CLEC16A: variants seen among roughly 807,000 people sequenced by gnomAD.
The protein encoded by CLEC16A is C-type lectin domain containing 16A.
A neutral mutation model predicts 109.5 loss-of-function variants in CLEC16A; 51 were observed. The ratio of observed to expected loss-of-function variants is 0.47; its 90% CI spans 0.37 to 0.59. The LOEUF is 0.59. Ranked by LOEUF, CLEC16A falls within the 20% of genes least tolerant of loss-of-function variation. CLEC16A has a pLI of 0.00. For synonymous variants in CLEC16A, 673 were observed against 564.2 expected (o/e 1.19, Z -2.73); for missense variants, 1,339 against 1,394.0 (o/e 0.96, Z 0.63).
chr16:11,155,866 G>A (rs920805154), intron 22 of CLEC16A, among the ~76,000 whole-genome samples: 20 of 152,226 alleles, frequency 1.3e-4, no homozygotes, highest in African/African-American at 4.8e-4. Flanking sequence ...TGCCTTGGGT[G>A]CATACTAAGT....
intron 22 of CLEC16A, among the ~76,000 whole-genome samples, chr16:11,142,570 T>G (rs1344357715): frequency 6.6e-6 from 1 of 152,228 alleles, no homozygotes; most frequent in Non-Finnish European, 1.5e-5. Context: ...GGCACTGACC[T>G]GCAGTGGTAC....
At chr16:11,132,179 A>G (rs1217313132) in intron 22 of CLEC16A, among the ~76,000 whole-genome samples, 1 of 151,810 alleles carries the variant, frequency 6.6e-6, no homozygotes, top group Non-Finnish European at 1.5e-5. Context: ...GTTCCAAAAC[A>G]TTTCCATCCC....
intron 19 of CLEC16A, 102 bp from the exon 20 acceptor site, chr16:11,120,513 C>T: frequency 1.6e-6 from 2 of 1,270,664 alleles, no homozygotes; most frequent in African/African-American, 1.5e-5. Flanking sequence ...GGGCTCTAAC[C>T]ACTGAGCTCT....
At chr16:11,077,583 G>T (rs543605729) in intron 19 of CLEC16A, among the ~76,000 whole-genome samples, 2 of 152,148 alleles carry the variant, frequency 1.3e-5, no homozygotes, top group East Asian at 3.9e-4. Context: ...CTTGAAACCT[G>T]GGGAGATTGA....
intron 22 of CLEC16A, among the ~76,000 whole-genome samples, chr16:11,159,612 A>G (rs2054648455): frequency 1.3e-5 from 2 of 152,384 alleles, no homozygotes; most frequent in Admixed American, 6.5e-5. Flanking sequence ...TTCCATCTGC[A>G]GTCAGGCAGT....
At chr16:10,997,714 C>G (rs2044415145) in intron 10 of CLEC16A, among the ~76,000 whole-genome samples, 3 of 152,206 alleles carry the variant, frequency 2.0e-5, no homozygotes, top group Admixed American at 2.0e-4. Flanking sequence ...GTCCTCCAAC[C>G]TCAGTATCTT....
intron 22 of CLEC16A, among the ~76,000 whole-genome samples, chr16:11,139,668 G>A (rs557779224): frequency 2.6e-5 from 4 of 152,290 alleles, no homozygotes; most frequent in East Asian, 1.9e-4. Flanking sequence ...CTTGAAAGTC[G>A]CCGCCTCAGT....
intron 22 of CLEC16A, among the ~76,000 whole-genome samples, chr16:11,141,468 G>C (rs193207240): frequency 8.5e-5 from 13 of 152,390 alleles, no homozygotes; most frequent in Admixed American, 3.9e-4. Flanking sequence ...CATGCCGCCA[G>C]AGCACGGGGT....
At chr16:10,962,083 G>C (rs974917077) in intron 2 of CLEC16A, among the ~76,000 whole-genome samples, 1 of 150,600 alleles carries the variant, frequency 6.6e-6, no homozygotes, top group Admixed American at 6.6e-5. Context: ...CTCCTGAGTA[G>C]CTGGCACTTC....
chr16:10,949,154 G>T (rs1226635046), intron 1 of CLEC16A, among the ~76,000 whole-genome samples: 2 of 152,210 alleles, frequency 1.3e-5, no homozygotes, highest in African/African-American at 4.8e-5. Context: ...TGGATCCATG[G>T]CAGGTAGACA....
chr16:11,173,584 T>C (rs62023562), intron 23 of CLEC16A, among the ~76,000 whole-genome samples: 12,578 of 152,116 alleles, frequency 0.083, 727 homozygotes, highest in Non-Finnish European at 0.12. Flanking sequence ...CTCGAGCATC[T>C]GAGCTTTCTC....
chr16:11,026,197 GA>G (rs2046395482), intron 13 of CLEC16A, among the ~76,000 whole-genome samples: 1 of 152,178 alleles, frequency 6.6e-6, no homozygotes, highest in Non-Finnish European at 1.5e-5. Flanking sequence ...AATGAATTGA[GA>G]AATATTATCT....
chr16:11,051,953 A>G (rs741176), intron 18 of CLEC16A, among the ~76,000 whole-genome samples: 35,357 of 152,086 alleles, frequency 0.23, 6,102 homozygotes, highest in African/African-American at 0.49. Flanking sequence ...TCTGTGAACC[A>G]TCGGGGGTGA....
intron 22 of CLEC16A, among the ~76,000 whole-genome samples, chr16:11,146,066 T>C (rs1243847432): frequency 6.6e-6 from 1 of 152,178 alleles, no homozygotes; most frequent in Non-Finnish European, 1.5e-5. Flanking sequence ...GTGGCCTCTG[T>C]TTGGAGAAGT....
chr16:11,068,012 T>A (rs995077298), intron 19 of CLEC16A, among the ~76,000 whole-genome samples: 3 of 152,228 alleles, frequency 2.0e-5, no homozygotes, highest in African/African-American at 7.2e-5. Flanking sequence ...ACCTTCCCTT[T>A]GCTCTCCTTC....
At chr16:11,135,393 C>G (rs993567894) in intron 22 of CLEC16A, among the ~76,000 whole-genome samples, 13 of 152,222 alleles carry the variant, frequency 8.5e-5, no homozygotes, top group Non-Finnish European at 1.6e-4. Context: ...AACATGCCCC[C>G]CAAAGACACT....
chr16:11,036,522 G>C (rs7197754), intron 13 of CLEC16A, among the ~76,000 whole-genome samples: 1 of 148,216 alleles, frequency 6.7e-6, no homozygotes, highest in Admixed American at 6.7e-5. Context: ...TTTTATCCTT[G>C]TGTTCTTTTG....
rs756834569 is a variant in CLEC16A at position 11,024,838 on chromosome 16, T to C, written c.1454T>C (p.Val485Ala). The C allele has an allele frequency of 1.9e-5, 30 of 1,603,990 alleles. No individual in the cohort carries two copies. The South Asian group carries it at 3.3e-4, about 17-fold the overall frequency. The change falls in exon 13 of 24, where the codon GTG (valine) becomes GCG (alanine). Residue 485 changes from valine to alanine, a missense_variant. Val to Ala is a moderately conservative substitution (Grantham distance 64, BLOSUM62 0). Transcript: ENST00000409790. ...TQWSRPFLDMVYHALDSPDDD... is the reference protein window; with the variant it reads ...TQWSRPFLDMAYHALDSPDDD... Reference sequence around the variant, plus strand: ...TTTTCCAGACCCTTCCTGGATATGGTGTACCACGCGCTGGACAGCCCGGAT... The same window carrying C: ...TTTTCCAGACCCTTCCTGGATATGGCGTACCACGCGCTGGACAGCCCGGAT...
At chr16:10,952,670 A>G (rs1339017134) in intron 1 of CLEC16A, among the ~76,000 whole-genome samples, 1 of 152,188 alleles carries the variant, frequency 6.6e-6, no homozygotes, top group East Asian at 1.9e-4. Flanking sequence ...TCTTCCTAAA[A>G]CACTGTGTAA....
Sources: gnomAD v4.1 joint callset for allele counts (sites outside exome capture counted in the v4.1 genomes callset) on GRCh38, gnomAD v4.1.1 for gene constraint, MANE v1.5 for transcripts, NCBI Gene and HGNC (gene_info 2026-07-23, HGNC 2026-07-21) for gene names.